LPIN2: variants seen among roughly 807,000 people sequenced by gnomAD.
LPIN2 encodes phosphatidate phosphatase LPIN2.
Under a neutral mutation model 111.4 loss-of-function variants are expected in LPIN2, and 55 were observed. The ratio of observed to expected loss-of-function variants is 0.49; its 90% confidence interval spans 0.40 to 0.62. The LOEUF (loss-of-function observed/expected upper bound fraction) is 0.62, where lower values mean the gene tolerates loss of function less well. LPIN2 is among the 20% of genes least tolerant of loss of function. The pLI, the probability that LPIN2 is intolerant of heterozygous loss-of-function variation, is 0.00. For synonymous variants in LPIN2, 425 were observed against 414.0 expected (o/e 1.03, Z -0.32); for missense variants, 992 against 1,112.1 (o/e 0.89, Z 1.54).
At chr18:2,944,246 CA>C (rs2077410958) in intron 4 of LPIN2, among the ~76,000 whole-genome samples, 1 of 148,104 alleles carries the variant, frequency 6.8e-6, no homozygotes, top group African/African-American at 2.5e-5. Flanking sequence ...AAAAAAACTC[CA>C]AAACAAGCTA....
chr18:2,921,786 C>T, intron 17 of LPIN2, 139 bp from the exon 18 acceptor site: 1 of 787,558 alleles, frequency 1.3e-6, no homozygotes, highest in Non-Finnish European at 2.1e-6. Context: ...CCTTCTTTGC[C>T]AGTCTGATAA....
At chr18:2,992,453 A>G (rs1333904904) in intron 1 of LPIN2, among the ~76,000 whole-genome samples, 1 of 152,240 alleles carries the variant, frequency 6.6e-6, no homozygotes, top group Non-Finnish European at 1.5e-5. Context: ...TAGAGTCATG[A>G]AAAATTTTGG....
chr18:3,000,055 GAA>G (rs1491560957), intron 1 of LPIN2, among the ~76,000 whole-genome samples: 2 of 146,876 alleles, frequency 1.4e-5, no homozygotes, highest in Admixed American at 6.9e-5. Context: ...TTAAAAAGAA[GAA>G]GAGGAGGAGG....
chr18:2,931,349 C>A lies in LPIN2; in HGVS notation c.1363G>T (p.Gly455Cys), dbSNP rs1485685610. ...GCAGAATCTGAGAGGCACTCGGTGC[C>A]GCTATCTGCAGCTGCGCTTCCCACG... is the stretch of plus-strand genomic sequence containing the variant. Reference protein sequence around the residue: ...QSVGSAAADSGTECLSDSAMD... With the variant: ...QSVGSAAADSCTECLSDSAMD... The change falls in exon 9 of 20, where the codon GGC (glycine) becomes TGC (cysteine). Residue 455 changes from glycine to cysteine, a missense_variant. Around this residue, in one of 4 missense-constraint regions of LPIN2, gnomAD observed 709 missense variants for 753.2 expected, o/e 0.94. Transcript: ENST00000677752. The A allele has an allele frequency of 1.9e-6, 3 of 1,613,936 alleles. No homozygotes were observed. The highest frequency in any genetic ancestry group is 1.7e-5 in the Admixed American group (1 of 59,988).
intron 3 of LPIN2, among the ~76,000 whole-genome samples, chr18:2,952,924 A>T (rs2077558862): frequency 6.6e-6 from 1 of 152,222 alleles, no homozygotes; most frequent in East Asian, 1.9e-4. Context: ...GATGACATAT[A>T]ATTAAATGAG....
At chr18:2,924,275 G>A (rs977268427) in intron 15 of LPIN2, 123 bp downstream of exon 15, 19 of 1,227,894 alleles carry the variant, frequency 1.5e-5, no homozygotes, top group Non-Finnish European at 2.1e-5. Context: ...CAGAGCATAT[G>A]GCTTATAAAA....
chr18:2,953,010 C>T (rs1222869831), intron 3 of LPIN2, among the ~76,000 whole-genome samples: 1 of 152,178 alleles, frequency 6.6e-6, no homozygotes. Flanking sequence ...CTCTAAATGA[C>T]GAACCCCTAG....
At chr18:2,930,703 CCTAT>C (rs2077201112) in intron 9 of LPIN2, among the ~76,000 whole-genome samples, 1 of 152,254 alleles carries the variant, frequency 6.6e-6, no homozygotes, top group Non-Finnish European at 1.5e-5. Context: ...CTCAGCCCAG[CCTAT>C]AGGCATCCTG....
chr18:2,973,216 C>A (rs962821579), intron 1 of LPIN2, among the ~76,000 whole-genome samples: 2 of 152,102 alleles, frequency 1.3e-5, no homozygotes, highest in Non-Finnish European at 2.9e-5. Flanking sequence ...AAAGCATACA[C>A]TTTACAGGCA....
At chr18:2,949,915 A>C (rs1328319414) in intron 4 of LPIN2, among the ~76,000 whole-genome samples, 1 of 152,106 alleles carries the variant, frequency 6.6e-6, no homozygotes, top group Non-Finnish European at 1.5e-5. Context: ...CCTGGGCAAC[A>C]TAGCAAGACC....
intron 1 of LPIN2, among the ~76,000 whole-genome samples, chr18:3,012,173 C>T (rs1454360971): frequency 1.3e-5 from 2 of 152,018 alleles, no homozygotes; most frequent in South Asian, 2.1e-4. Context: ...AGTCTAGAGC[C>T]TCGTTTTCAA....
At chr18:2,984,195 C>T (rs1410001672) in intron 1 of LPIN2, among the ~76,000 whole-genome samples, 2 of 152,160 alleles carry the variant, frequency 1.3e-5, no homozygotes, top group African/African-American at 4.8e-5. Context: ...GAATTAAAAA[C>T]CAATTTCACC....
chr18:3,008,066 C>G (rs539870968), intron 1 of LPIN2, among the ~76,000 whole-genome samples: 95 of 152,318 alleles, frequency 6.2e-4, no homozygotes, highest in Non-Finnish European at 1.5e-4. Flanking sequence ...AGGCAAACTG[C>G]AATCCCATAC....
At chr18:2,920,511 G>C in intron 19 of LPIN2, 74 bp from the exon 20 acceptor site, 1 of 1,539,384 alleles carries the variant, frequency 6.5e-7, no homozygotes. Flanking sequence ...GGGGGGCTGT[G>C]AAGCTGTCAC....
chr18:2,928,161 C>T (rs565614382), intron 11 of LPIN2, among the ~76,000 whole-genome samples: 1 of 152,254 alleles, frequency 6.6e-6, no homozygotes, highest in Admixed American at 6.5e-5. Context: ...GATTAAAAAC[C>T]AATTGTGAGT....
Position 2,931,358 on chromosome 18 carries a change from C to T in LPIN2, c.1354G>A (p.Ala452Thr). ...QSPQSVGSAA[A>T]DSGTECLSDS... The stretch of plus-strand genomic sequence containing the variant: ...GAGAGGCACTCGGTGCCGCTATCTG[C>T]AGCTGCGCTTCCCACGGACTGTGGG... Residue 452 changes from alanine to threonine, a missense_variant, in exon 9 of 20, where the codon GCA becomes ACA. Transcript: ENST00000677752. The T allele has an allele frequency of 1.2e-6, 2 of 1,613,888 alleles. No homozygotes were observed. The highest frequency in any genetic ancestry group is 1.7e-6 in the Non-Finnish European group (2 of 1,179,906).
At chr18:2,964,845 C>G (rs1374146720) in intron 1 of LPIN2, among the ~76,000 whole-genome samples, 1 of 152,168 alleles carries the variant, frequency 6.6e-6, no homozygotes, top group African/African-American at 2.4e-5. Context: ...CCAAATGAAA[C>G]CACAACACAC....
At position 2,927,655 on chromosome 18, in the gene LPIN2, GT is replaced by G. The variant is rs766252925; in HGVS notation, c.1710+66del. 1.3e-3 allele frequency: 2,056 copies of G among 1,559,050 alleles called. 15 individuals are homozygous for G. The highest frequency in any genetic ancestry group is 1.5e-3 in the Non-Finnish European group (1,641 of 1,130,568). The stretch of plus-strand genomic sequence containing the variant: ...CCAAATTCCTGTGCCTGACAAAAAG[GT>G]TTTTTGAATAAATGAAAGATTCATT... On this transcript the variant is annotated intron_variant, in intron 12 of 19. Coordinates refer to ENST00000677752, the MANE Select transcript of LPIN2 (RefSeq NM_001375808.2).
In LPIN2 at chr18:2,930,130, T is replaced by TAA. The variant is rs543350219; in HGVS notation, c.1457-973_1457-972insTT. Among the ~76,000 whole-genome samples, 832 of 152,332 alleles carry TAA rather than the reference T, an allele frequency of 5.5e-3. 11 individuals are homozygous for TAA. Among genetic ancestry groups the TAA allele is most frequent in the Middle Eastern group, 0.01 (3 of 294 alleles). On this transcript the variant is annotated intron_variant, in intron 9 of 19. Coordinates refer to ENST00000677752, the MANE Select transcript of LPIN2 (RefSeq NM_001375808.2). Reference sequence around the variant, plus strand: ...CTAACAGAGAAACTGCTCACTTGGATTGTTTCTCCAGGTAATGTGTGTATT... The same window carrying TAA: ...CTAACAGAGAAACTGCTCACTTGGATAATGTTTCTCCAGGTAATGTGTGTATT...
Sources: allele counts gnomAD v4.1 joint callset (sites outside exome capture counted in the v4.1 genomes callset), GRCh38; gene constraint gnomAD v4.1.1; regional missense constraint gnomAD v4.1.1; transcripts MANE v1.5; gene names NCBI Gene and HGNC (gene_info 2026-07-23, HGNC 2026-07-21).